The following ARHGAP27 variants were observed in gnomAD, a reference collection of about 807,000 sequenced individuals.
ARHGAP27 encodes rho GTPase-activating protein 27.
A neutral mutation model predicts 102.0 loss-of-function variants in ARHGAP27; 53 were observed. The ratio of observed to expected loss-of-function variants is 0.52; its 90% CI spans 0.42 to 0.65. The LOEUF is 0.65. Ranked by LOEUF, ARHGAP27 falls within the 30% of genes least tolerant of loss-of-function variation. ARHGAP27 has a pLI of 0.00. For missense variants in ARHGAP27, 1,117 were observed against 1,256.2 expected, an observed-to-expected ratio of 0.89 and a Z score of 1.68; for synonymous variants, 525 against 542.8, an observed-to-expected ratio of 0.97 and a Z score of 0.46.
intron 4 of ARHGAP27, chr17:45,410,210 C>T: frequency 6.5e-7 from 1 of 1,533,510 alleles, no homozygotes; most frequent in Non-Finnish European, 8.7e-7. Context: ...ACCGGGCACC[C>T]CTTGACCCCA....
At chr17:45,420,283 A>C (rs2048900741) in intron 4 of ARHGAP27, among the ~76,000 whole-genome samples, 1 of 144,350 alleles carries the variant, frequency 6.9e-6, no homozygotes, top group Non-Finnish European at 1.5e-5. Context: ...AAGAAATAAA[A>C]AGTAAACAAG....
At chr17:45,419,500 CTT>C (rs2048806348) in intron 4 of ARHGAP27, among the ~76,000 whole-genome samples, 3 of 125,502 alleles carry the variant, frequency 2.4e-5, no homozygotes, top group African/African-American at 9.6e-5. Flanking sequence ...ATATAAAAGA[CTT>C]ATGCTGTATG....
Position 45,397,560 on chromosome 17 carries a change from C to T in ARHGAP27, c.1842+389G>A, listed in dbSNP as rs968168565. 17 of 221,374 alleles carry T rather than the reference C, an allele frequency of 7.7e-5. No homozygotes were observed. In the East Asian group the frequency reaches 1.5e-3, roughly 19 times the overall value. The allele number at this position is 221,374 out of a possible 1,614,324, so 13.7% of individuals were successfully genotyped here. ...TTGTCAGAGGGCCCCTGTCCTAGCT[C>T]TACTTATGCAATTGGTGTTTTCAGC... is the stretch of plus-strand genomic sequence containing the variant. On this transcript the variant is annotated intron_variant, in intron 13 of 19. Transcript: ENST00000685559.
chr17:45,403,040 A>G (rs2046635172), intron 11 of ARHGAP27, among the ~76,000 whole-genome samples: 1 of 152,224 alleles, frequency 6.6e-6, no homozygotes, highest in Non-Finnish European at 1.5e-5. Flanking sequence ...GGAGGACAGG[A>G]AAGGAGTGCA....
At chr17:45,401,256 T>G (rs929298461) in intron 12 of ARHGAP27, among the ~76,000 whole-genome samples, 6 of 152,088 alleles carry the variant, frequency 3.9e-5, no homozygotes, top group African/African-American at 1.2e-4. Flanking sequence ...GGAAGATCGC[T>G]TGAGCCCAGG....
chr17:45,429,181 C>A (rs2049858851), intron 4 of ARHGAP27, among the ~76,000 whole-genome samples: 1 of 152,210 alleles, frequency 6.6e-6, no homozygotes, highest in Non-Finnish European at 1.5e-5. Flanking sequence ...CTTCGGAATA[C>A]AGAACAGCTG....
intron 4 of ARHGAP27, among the ~76,000 whole-genome samples, chr17:45,424,457 C>T (rs570337337): frequency 4.6e-5 from 7 of 152,344 alleles, no homozygotes; most frequent in East Asian, 3.9e-4. Context: ...TCATCAGCTA[C>T]GCCCTGGTCA....
At chr17:45,408,743 C>G (rs183620155) in intron 4 of ARHGAP27, 3 of 152,286 alleles carry the variant, frequency 2.0e-5, no homozygotes, top group African/African-American at 7.2e-5. Flanking sequence ...TGCTCTCTCA[C>G]GGTGCTCAGC....
At chr17:45,407,511 TTTTTTTTC>T (rs2047339747) in intron 4 of ARHGAP27, 1 of 117,604 alleles carries the variant, frequency 8.5e-6, no homozygotes, top group Admixed American at 9.4e-5. Context: ...TTTCTTTTTC[TTTTTTTTC>T]TTTTTTTTTT....
At chr17:45,397,574 G>A (rs2045903278) in intron 13 of ARHGAP27, 1 of 233,338 alleles carries the variant, frequency 4.3e-6, no homozygotes, top group Non-Finnish European at 8.2e-6. Flanking sequence ...TTATGCAATT[G>A]GTGTTTTCAG....
chr17:45,421,141 G>C (rs1255627797), intron 4 of ARHGAP27, among the ~76,000 whole-genome samples: 1 of 130,706 alleles, frequency 7.7e-6, no homozygotes, highest in Admixed American at 8.9e-5. Context: ...GGACCCAGTT[G>C]GGAGCGCTCA....
chr17:45,425,793 CAG>C (rs1395532621), intron 4 of ARHGAP27: 2 of 255,006 alleles, frequency 7.8e-6, no homozygotes, highest in Admixed American at 6.5e-5. Flanking sequence ...CCTGAAATCC[CAG>C]AGTCAGGACC....
At position 45,404,628 on chromosome 17, in the gene ARHGAP27, G is replaced by C; in HGVS notation, c.1302C>G (p.Asp434Glu). 1 of 1,613,830 alleles carries C rather than the reference G, an allele frequency of 6.2e-7. No homozygotes were observed. The change falls in exon 7 of 20, where the codon GAC (aspartate) becomes GAG (glutamate). Residue 434 changes from aspartate to glutamate, a missense_variant. Physicochemically the swap from Asp to Glu is conservative, Grantham distance 45. Around this residue, in one of 3 missense-constraint regions of ARHGAP27, gnomAD observed 610 missense variants for 716.4 expected, o/e 0.85. Coordinates refer to ENST00000685559, the MANE Select transcript of ARHGAP27 (RefSeq NM_001282290.2). ...HGKPYFYNPEDSSVRWELPQV... is the reference protein window; with the variant it reads ...HGKPYFYNPEESSVRWELPQV... ...GGGGCAGCTCCCATCGAACAGAGGA[G>C]TCCTCTGGATTGTAGAAGTATGGCT...
intron 13 of ARHGAP27, chr17:45,397,532 T>C (rs1358106187): frequency 4.7e-6 from 1 of 213,332 alleles, no homozygotes; most frequent in Non-Finnish European, 9.1e-6. Flanking sequence ...TCCAGGTCAG[T>C]AGTTGTCAGA....
Position 45,405,787 on chromosome 17 carries a change from G to A in ARHGAP27, c.954C>T (p.Phe318=). The change falls in exon 5 of 20, where the codon TTC becomes TTT. Residue 318 remains phenylalanine, a synonymous_variant. Transcript: ENST00000685559. ...CCGTCTCGCCCGTCAGCGGGTTGTAGAAGAACACCCTGCGGCTCTCCTCAT... is the reference window on the plus strand; with the variant it reads ...CCGTCTCGCCCGTCAGCGGGTTGTAAAAGAACACCCTGCGGCTCTCCTCAT... ...YWDEESRRVF[F]YNPLTGETAW... is the part of the protein sequence containing the mutation. 1 of 1,558,892 alleles carries A rather than the reference G, an allele frequency of 6.4e-7. No homozygotes were observed. The highest frequency in any genetic ancestry group is 8.6e-7 in the Non-Finnish European group (1 of 1,158,372).
rs767380929 is a variant in ARHGAP27, at chr17:45,396,557, C to T, written c.2103G>A (p.Ala701=). ...CCCGGCTCCTCTCGCGCTCACACAG[C>T]GCGGCCAGCGCGCAGCCGAACACCT... The part of the protein sequence containing the change: ...KDQVFGCALA[A]LCERERSRVP... The change falls in exon 16 of 20, where the codon GCG becomes GCA. Residue 701 remains alanine (A), a synonymous_variant. Coordinates refer to ENST00000685559, the MANE Select transcript of ARHGAP27 (RefSeq NM_001282290.2). The T allele has an allele frequency of 6.9e-6, 11 of 1,599,752 alleles. No homozygotes were observed. Among genetic ancestry groups the T allele is most frequent in the East Asian group, 2.2e-5 (1 of 44,658 alleles).
chr17:45,403,274 T>C (rs1167265672), intron 11 of ARHGAP27, among the ~76,000 whole-genome samples: 1 of 152,120 alleles, frequency 6.6e-6, no homozygotes, highest in East Asian at 1.9e-4. Context: ...ATAGAGCAGA[T>C]GGGGGCTGGG....
chr17:45,424,632 A>G (rs1285087083), intron 4 of ARHGAP27, among the ~76,000 whole-genome samples: 1 of 151,424 alleles, frequency 6.6e-6, no homozygotes, highest in Non-Finnish European at 1.5e-5. Context: ...AAGGCCTAAG[A>G]ATGATATAAT....
chr17:45,427,522 G>T lies in ARHGAP27; in HGVS notation c.657+2101C>A, dbSNP rs1184734153. On this transcript the variant is annotated intron_variant, in intron 4 of 19. Coordinates refer to ENST00000685559, the MANE Select transcript of ARHGAP27 (RefSeq NM_001282290.2). This position sits in a 1 kb window ranked among gnomAD's most constrained non-coding sequence, Gnocchi z 4.5. ...GAATGGGCCTGGAGGATCATGGTGG[G>T]GAAACTCTGCCTGGGACAACTAAGA... 6.6e-6 allele frequency among the ~76,000 whole-genome samples: 1 copy of T among 152,226 alleles called. No individual in the cohort carries two copies. The highest frequency in any genetic ancestry group is 2.4e-5 in the African/African-American group (1 of 41,466).
Sources: gnomAD v4.1 joint callset for allele counts (sites outside exome capture counted in the v4.1 genomes callset) on GRCh38, gnomAD v4.1.1 for gene constraint, gnomAD v4.1.1 regional missense constraint, Gnocchi (gnomAD v3.1) non-coding constraint, MANE v1.5 for transcripts, NCBI Gene and HGNC (gene_info 2026-07-23, HGNC 2026-07-21) for gene names.